The following CTNNA2 variants were observed in gnomAD, a reference collection of about 807,000 sequenced individuals.
The protein encoded by CTNNA2 is catenin alpha 2.
In CTNNA2, 42 loss-of-function variants were observed where a neutral mutation model predicts 101.0. That is an observed-to-expected ratio of 0.42 (90% CI 0.32 to 0.54). The LOEUF is 0.54. Ranked by LOEUF, CTNNA2 falls within the 20% of genes least tolerant of loss-of-function variation. The probability of loss-of-function intolerance (pLI) is 0.14; values close to 1 mark genes in which losing one functional copy is unlikely to be tolerated. For missense variants in CTNNA2, 871 were observed against 1,223.1 expected, an observed-to-expected ratio of 0.71 and a Z score of 4.29; for synonymous variants, 450 against 456.4, an observed-to-expected ratio of 0.99 and a Z score of 0.18.
chr2:80,272,210 T>C (rs895750879), intron 7 of CTNNA2, among the ~76,000 whole-genome samples: 2 of 152,186 alleles, frequency 1.3e-5, no homozygotes, highest in Non-Finnish European at 2.9e-5. Context: ...TTTAAAGAAA[T>C]CCATTGATTC....
intron 13 of CTNNA2, among the ~76,000 whole-genome samples, chr2:80,580,018 C>T (rs370427933): frequency 2.6e-5 from 4 of 152,326 alleles, no homozygotes; most frequent in African/African-American, 9.6e-5. Flanking sequence ...TAATCTCACA[C>T]TGATTCACTC....
rs570438696 is a variant in CTNNA2 at position 80,570,707 on chromosome 2, A to G, written c.1742-3456A>G. Reference sequence around the variant, plus strand: ...ATAAAGAACTTGTACCCTCTCCCCTATCGTTTTTTTCTTCCTTGAAAGGTC... The same window carrying G: ...ATAAAGAACTTGTACCCTCTCCCCTGTCGTTTTTTTCTTCCTTGAAAGGTC... On this transcript the variant is annotated intron_variant, in intron 12 of 18. Coordinates refer to ENST00000402739, the MANE Select transcript of CTNNA2 (RefSeq NM_001282597.3). Among the ~76,000 whole-genome samples, 6 of 152,160 alleles carry G rather than the reference A, an allele frequency of 3.9e-5. No individual in the cohort carries two copies. In the South Asian group the frequency reaches 1.2e-3, roughly 32 times the overall value.
chr2:80,207,257 G>T (rs1230655343), intron 7 of CTNNA2, among the ~76,000 whole-genome samples: 1 of 152,194 alleles, frequency 6.6e-6, no homozygotes, highest in Non-Finnish European at 1.5e-5. Context: ...TCTATAGGAA[G>T]GGTAGGAGGT....
At chr2:79,798,560 CTTTT>C (rs34542700) in intron 3 of CTNNA2, among the ~76,000 whole-genome samples, 5 of 123,794 alleles carry the variant, frequency 4.0e-5, no homozygotes, top group African/African-American at 1.2e-4. Flanking sequence ...TATAATAAGA[CTTTT>C]TTTTTTTTTT....
At chr2:80,225,606 A>T (rs6741161) in intron 7 of CTNNA2, among the ~76,000 whole-genome samples, 30,650 of 152,186 alleles carry the variant, frequency 0.2, 4,337 homozygotes, top group African/African-American at 0.4. Flanking sequence ...GTAGGAAAAC[A>T]TCATGAAGTA....
chr2:80,506,869 G>C (rs901356933), intron 9 of CTNNA2, among the ~76,000 whole-genome samples: 1 of 152,200 alleles, frequency 6.6e-6, no homozygotes, highest in Admixed American at 6.5e-5. Flanking sequence ...GACTGCCCCA[G>C]TGTGACTCTT....
intron 7 of CTNNA2, among the ~76,000 whole-genome samples, chr2:80,252,031 A>C (rs78265892): frequency 0.055 from 8,397 of 152,264 alleles, 431 homozygotes; most frequent in South Asian, 0.29. Flanking sequence ...TGTATAATAA[A>C]CTTTTAAAAC....
intron 1 of CTNNA2, among the ~76,000 whole-genome samples, chr2:79,585,657 C>T (rs761651902): frequency 1.2e-4 from 18 of 152,040 alleles, no homozygotes; most frequent in Non-Finnish European, 1.9e-4. Context: ...GTAATGAATG[C>T]ATTTGCACAG....
rs1346455064 is a variant in CTNNA2, at chr2:80,431,661, G to A, written c.1290+12060G>A. Reference sequence around the variant, plus strand: ...AGCTGTTCTAAATCGTGAACTGATCGGCAATATGGAACCCATCACTCCTTA... The same window carrying A: ...AGCTGTTCTAAATCGTGAACTGATCAGCAATATGGAACCCATCACTCCTTA... On this transcript the variant is annotated intron_variant, in intron 9 of 18. Transcript: ENST00000402739. 2.6e-5 allele frequency among the ~76,000 whole-genome samples: 4 copies of A among 152,238 alleles called. No homozygotes were observed. In the East Asian group the frequency reaches 5.8e-4, roughly 22 times the overall value.
chr2:80,118,383 C>G (rs551037003), intron 7 of CTNNA2, among the ~76,000 whole-genome samples: 1 of 152,306 alleles, frequency 6.6e-6, no homozygotes, highest in African/African-American at 2.4e-5. Context: ...TTCCAAATAG[C>G]TCTTTCCAAA....
chr2:80,589,314 C>T lies in CTNNA2; in HGVS notation c.2018C>T (p.Ala673Val). ...IAGQSARAIM[A>V]QLPQEEKAKI... ...CTGTAACCCACGCAGGCCATCATGG[C>T]GCAACTACCGCAGGAGGAGAAGGCA... Residue 673 changes from alanine to valine, a missense_variant, in exon 15 of 19, where the codon GCG becomes GTG. Transcript: ENST00000402739. 6.2e-7 allele frequency: 1 copy of T among 1,613,844 alleles called. No individual in the cohort carries two copies. Among genetic ancestry groups the T allele is most frequent in the Non-Finnish European group, 8.5e-7 (1 of 1,179,862 alleles).
chr2:79,499,022 C>G (rs115817098), intron 4 of CTNNA2: 4 of 152,228 alleles, frequency 2.6e-5, no homozygotes, highest in African/African-American at 9.7e-5. Flanking sequence ...AATCTGACAT[C>G]CTGATTCTTT....
chr2:80,082,150 T>C (rs60793171), intron 7 of CTNNA2, among the ~76,000 whole-genome samples: 3,152 of 152,278 alleles, frequency 0.021, 117 homozygotes, highest in African/African-American at 0.071. Context: ...TTTTGAGTCA[T>C]ATTTTGTCAT....
chr2:79,799,181 G>GT (rs72397142), intron 3 of CTNNA2, among the ~76,000 whole-genome samples: 23,597 of 143,480 alleles, frequency 0.16, 2,339 homozygotes, highest in South Asian at 0.31. Flanking sequence ...CTCAGATCTT[G>GT]TTTTTTTTTT....
At chr2:79,268,446 A>G (rs1434189) in intron 2 of CTNNA2, among the ~76,000 whole-genome samples, 93,054 of 151,986 alleles carry the variant, frequency 0.61, 28,756 homozygotes, top group African/African-American at 0.64. Flanking sequence ...TCTTTGTAAC[A>G]TTCTTTGTAG....
chr2:79,215,357 G>C (rs1674238716), intron 2 of CTNNA2, among the ~76,000 whole-genome samples: 1 of 152,174 alleles, frequency 6.6e-6, no homozygotes, highest in Non-Finnish European at 1.5e-5. Flanking sequence ...GTGTGCTGGA[G>C]ATGTGGCTGG....
At chr2:79,685,590 T>A (rs78880676) in intron 2 of CTNNA2, among the ~76,000 whole-genome samples, 12,830 of 152,128 alleles carry the variant, frequency 0.084, 588 homozygotes, top group South Asian at 0.12. Context: ...AGGACAAGTG[T>A]CCTTACGGAG....
At chr2:79,417,414 A>T (rs1452577025) in intron 4 of CTNNA2, among the ~76,000 whole-genome samples, 2 of 152,180 alleles carry the variant, frequency 1.3e-5, no homozygotes, top group African/African-American at 4.8e-5. Flanking sequence ...TTGTTGCTTA[A>T]GACAATTGAG....
At chr2:79,996,069 G>GTTAA (rs1428510822) in intron 7 of CTNNA2, among the ~76,000 whole-genome samples, 1 of 152,174 alleles carries the variant, frequency 6.6e-6, no homozygotes, top group East Asian at 1.9e-4. Flanking sequence ...GGGCCTTGAA[G>GTTAA]TTAAGTAGGA....
Sources: gnomAD v4.1 joint callset for allele counts (sites outside exome capture counted in the v4.1 genomes callset) on GRCh38, gnomAD v4.1.1 for gene constraint, MANE v1.5 for transcripts, NCBI Gene and HGNC (gene_info 2026-07-23, HGNC 2026-07-21) for gene names.